The following AGAP4 variants were observed in gnomAD, a reference collection of about 807,000 sequenced individuals.
AGAP4 encodes arf-GAP with GTPase, ANK repeat and PH domain-containing protein 4.
Under a neutral mutation model 60.7 loss-of-function variants are expected in AGAP4, and 13 were observed. The ratio of observed to expected loss-of-function variants is 0.21; its 90% confidence interval spans 0.14 to 0.34. The LOEUF is 0.34. Ranked by LOEUF, AGAP4 falls within the 10% of genes least tolerant of loss-of-function variation. AGAP4 has a pLI of 1.00. For missense variants in AGAP4, 169 were observed against 884.0 expected (o/e 0.19, Z 10.26); for synonymous variants, 70 against 339.0 (o/e 0.21, Z 8.72).
intron 4 of AGAP4, among the ~76,000 whole-genome samples, chr10:45,839,696 G>A (rs2058886371): frequency 8.8e-6 from 1 of 114,200 alleles, no homozygotes; most frequent in South Asian, 4.2e-4. Context: ...CACACTGAGT[G>A]CTATCAGTTA....
At chr10:45,839,991 C>T (rs1554898496) in intron 4 of AGAP4, among the ~76,000 whole-genome samples, 1 of 150,320 alleles carries the variant, frequency 6.7e-6, no homozygotes, top group South Asian at 2.1e-4. Context: ...CTGGTCTAAG[C>T]AGCCTAGCAT....
At chr10:45,849,195 C>T (rs1476901163), upstream of AGAP4, among the ~76,000 whole-genome samples, 1 of 150,042 alleles carries the variant, frequency 6.7e-6, no homozygotes, top group Non-Finnish European at 1.5e-5. Context: ...CATGGCACTC[C>T]TGCCTGGACA....
chr10:45,849,041 T>G (rs1158923991), upstream of AGAP4: 10 of 147,666 alleles, frequency 6.8e-5, no homozygotes. Context: ...GCCTAGCTAA[T>G]GTAGTGAAAT....
chr10:45,849,771 G>T (rs2059060136), upstream of AGAP4, among the ~76,000 whole-genome samples: 1 of 150,738 alleles, frequency 6.6e-6, no homozygotes, highest in African/African-American at 2.4e-5. Context: ...CTCCCAAGTA[G>T]TTGGGATTGC....
upstream of AGAP4, among the ~76,000 whole-genome samples, chr10:45,852,255 A>G: frequency 6.8e-6 from 1 of 146,690 alleles, no homozygotes; most frequent in East Asian, 2.0e-4. Flanking sequence ...TACTGTGGGA[A>G]AAAGGATATT....
chr10:45,844,951 A>G (rs1554899208), intron 2 of AGAP4, among the ~76,000 whole-genome samples: 1 of 116,820 alleles, frequency 8.6e-6, no homozygotes, highest in African/African-American at 3.1e-5. Context: ...ACACATAGGG[A>G]GAACATACAC....
At chr10:45,849,942 T>C (rs1330094772), upstream of AGAP4, among the ~76,000 whole-genome samples, 3 of 150,172 alleles carry the variant, frequency 2.0e-5, no homozygotes, top group African/African-American at 7.4e-5. Context: ...TTTTTTTTTA[T>C]TTTTTTTGAG....
chr10:45,845,985 A>C (rs1291689090), intron 2 of AGAP4, among the ~76,000 whole-genome samples: 1 of 108,802 alleles, frequency 9.2e-6, no homozygotes, highest in East Asian at 2.6e-4. Flanking sequence ...CATGGCAACA[A>C]ACACTCTTAC....
At chr10:45,828,722 GT>G (rs2058685445) in intron 6 of AGAP4, among the ~76,000 whole-genome samples, 1 of 42,202 alleles carries the variant, frequency 2.4e-5, no homozygotes, top group Non-Finnish European at 4.1e-5. Context: ...TTGAGACCAA[GT>G]TTTACTCTTG....
At position 45,844,527 on chromosome 10, in the gene AGAP4, T is replaced by C. The variant is rs1342010904; in HGVS notation, c.293-133A>G. ...ATTCTTATCCATTGAAATGAATGTATAGACATAAGAGAGAGCCAGGCAAGA... is the reference window on the plus strand; with the variant it reads ...ATTCTTATCCATTGAAATGAATGTACAGACATAAGAGAGAGCCAGGCAAGA... On this transcript the variant is annotated intron_variant, in intron 2 of 7. Coordinates refer to ENST00000616763, the MANE Select transcript of AGAP4 (RefSeq NM_001276343.3). The C allele has an allele frequency of 6.1e-6, 9 of 1,472,802 alleles. 1 individual carries two copies. In the East Asian group the frequency reaches 7.0e-5, roughly 11 times the overall value. The allele number at this position is 1,472,802 out of a possible 1,614,324, so 91.2% of individuals were successfully genotyped here. A position where few individuals can be genotyped will look rare whatever the true frequency, so the allele number is the denominator to read the frequency against.
chr10:45,851,182 G>T (rs2059079424), upstream of AGAP4, among the ~76,000 whole-genome samples: 1 of 152,016 alleles, frequency 6.6e-6, no homozygotes, highest in Non-Finnish European at 1.5e-5. Context: ...GCCCTGAGAA[G>T]CTGTGTATAG....
At chr10:45,852,473 G>A (rs1590046885), upstream of AGAP4, among the ~76,000 whole-genome samples, 1 of 149,334 alleles carries the variant, frequency 6.7e-6, no homozygotes, top group Non-Finnish European at 1.5e-5. Context: ...AATAACAGCA[G>A]GTTTAGAGGA....
chr10:45,827,524 G>A lies in AGAP4; in HGVS notation c.586-134C>T. Reference sequence around the variant, plus strand: ...ATGGTGGCTCACACCTGTAATCACAGCACTTTGGGAGGCCAACGTGGGTGG... The same window carrying A: ...ATGGTGGCTCACACCTGTAATCACAACACTTTGGGAGGCCAACGTGGGTGG... On this transcript the variant is annotated intron_variant, in intron 7 of 7. Transcript: ENST00000616763. The A allele has an allele frequency of 2.1e-5, 16 of 775,000 alleles. 2 individuals carry two copies. In the South Asian group the frequency reaches 3.1e-4, roughly 15 times the overall value. 48.0% of individuals were successfully genotyped at this position (775,000 alleles called of 1,614,324 possible). A position where few individuals can be genotyped will look rare whatever the true frequency, so the allele number is the denominator to read the frequency against.
chr10:45,841,708 A>C (rs2058921811), intron 3 of AGAP4, 21 bp from the exon 4 acceptor site: 1 of 754,414 alleles, frequency 1.3e-6, no homozygotes, highest in Non-Finnish European at 2.1e-6. Context: ...AAAAAAAAAA[A>C]CTGGTCACTT....
At chr10:45,843,296 CAAA>C (rs1159354399) in intron 3 of AGAP4, among the ~76,000 whole-genome samples, 2 of 1,906 alleles carry the variant, frequency 1.0e-3, no homozygotes, top group East Asian at 0.071. Context: ...GACTCCATTT[CAAA>C]AAAAAAAAAA....
chr10:45,850,785 A>G (rs1471763599), upstream of AGAP4, among the ~76,000 whole-genome samples: 786 of 149,844 alleles, frequency 5.2e-3, 15 homozygotes, highest in East Asian at 0.039. Flanking sequence ...CCTCCTGGCC[A>G]AGAATGTAGG....
upstream of AGAP4, among the ~76,000 whole-genome samples, chr10:45,851,342 C>T (rs1482965203): frequency 6.6e-6 from 1 of 151,962 alleles, no homozygotes; most frequent in Non-Finnish European, 1.5e-5. Flanking sequence ...GGAGATGATG[C>T]CTTCTTTTCA....
At chr10:45,838,072 T>TATAC (rs2058852241) in intron 4 of AGAP4, among the ~76,000 whole-genome samples, 1 of 150,064 alleles carries the variant, frequency 6.7e-6, no homozygotes, top group African/African-American at 2.5e-5. Context: ...GAAACCGTGA[T>TATAC]ATACATACAT....
At chr10:45,850,949 T>G (rs2059076362), upstream of AGAP4, among the ~76,000 whole-genome samples, 1 of 152,058 alleles carries the variant, frequency 6.6e-6, no homozygotes, top group African/African-American at 2.4e-5. Context: ...ACATACTAAA[T>G]CAAGCCATTA....
Sources: allele counts gnomAD v4.1 joint callset (sites outside exome capture counted in the v4.1 genomes callset), GRCh38; gene constraint gnomAD v4.1.1; transcripts MANE v1.5; gene names NCBI Gene and HGNC (gene_info 2026-07-23, HGNC 2026-07-21).